The following OTUD4 variants were observed in gnomAD, a reference collection of about 807,000 sequenced individuals.
OTUD4 encodes the protein OTU domain-containing protein 4.
In OTUD4, 24 loss-of-function variants were observed where a neutral mutation model predicts 130.4. The ratio of observed to expected loss-of-function variants is 0.18; its 90% CI spans 0.13 to 0.26. The LOEUF (loss-of-function observed/expected upper bound fraction) is 0.26, where lower values mean the gene tolerates loss of function less well. Ranked by LOEUF, OTUD4 falls within the 10% of genes least tolerant of loss-of-function variation. The probability of loss-of-function intolerance (pLI) is 1.00; values close to 1 mark genes in which losing one functional copy is unlikely to be tolerated. For synonymous variants in OTUD4, 420 were observed against 472.5 expected (o/e 0.89, Z 1.44); for missense variants, 1,031 against 1,329.4 (o/e 0.78, Z 3.49).
chr4:145,137,784 A>T lies in OTUD4; in HGVS notation c.2991T>A (p.Asp997Glu). Reference sequence around the variant, plus strand: ...TGACCACATCAGCAGCAGTCTTAGGATCTTTTACTTTTTCTGTTTTTTCTT... The same window carrying T: ...TGACCACATCAGCAGCAGTCTTAGGTTCTTTTACTTTTTCTGTTTTTTCTT... The part of the protein sequence containing the change: ...SLKEKTEKVK[D>E]PKTAADVVSP... Residue 997 changes from aspartate (D) to glutamate (E), a missense_variant, in exon 21 of 21, where the codon GAT becomes GAA. This residue lies in a region of OTUD4 where 900 missense variants were observed against 1,095.9 expected (regional missense o/e 0.82). Coordinates refer to ENST00000447906, the MANE Select transcript of OTUD4 (RefSeq NM_001366057.1). 6.2e-7 allele frequency: 1 copy of T among 1,613,850 alleles called. No homozygotes were observed.
chr4:145,138,570 G>A lies in OTUD4; in HGVS notation c.2205C>T (p.Tyr735=). Residue 735 remains tyrosine, a synonymous_variant, in exon 21 of 21, where the codon TAC becomes TAT. Coordinates refer to ENST00000447906, the MANE Select transcript of OTUD4 (RefSeq NM_001366057.1). The stretch of plus-strand genomic sequence containing the variant: ...GATAAACAGGGACAGGGACCTTTGG[G>A]TACATCCTGCAGGCTGCCAGGTAGG... ...HQAYLAACRM[Y]PKVPVPVYPH... The A allele has an allele frequency of 6.2e-7, 1 of 1,614,086 alleles. No individual in the cohort carries two copies. The highest frequency in any genetic ancestry group is 8.5e-7 in the Non-Finnish European group (1 of 1,179,974).
At position 145,169,740 on chromosome 4, in the gene OTUD4, G is replaced by A. The variant is rs781587492; in HGVS notation, c.294+1930C>T. Among the ~76,000 whole-genome samples the A allele has an allele frequency of 6.4e-4, 98 of 152,108 alleles. 1 individual carries two copies. The highest frequency in any genetic ancestry group is 1.1e-3 in the Non-Finnish European group (77 of 68,012). Reference sequence around the variant, plus strand: ...TCCCGCCTCTGCCTCCTATAGTACCGGGATTACAGGCACGAGCCATTGTGC... The same window carrying A: ...TCCCGCCTCTGCCTCCTATAGTACCAGGATTACAGGCACGAGCCATTGTGC... On this transcript the variant is annotated intron_variant, in intron 3 of 20. Coordinates refer to ENST00000447906, the MANE Select transcript of OTUD4 (RefSeq NM_001366057.1).
chr4:145,156,160 G>A (rs1439054691), intron 7 of OTUD4, among the ~76,000 whole-genome samples, 164 bp from the exon 8 acceptor site: 1 of 152,128 alleles, frequency 6.6e-6, no homozygotes, highest in Non-Finnish European at 1.5e-5. Context: ...ATATAAAAGG[G>A]TATATGTATG....
At chr4:145,150,753 A>G (rs377726920) in intron 12 of OTUD4, 49 bp downstream of exon 12, 37 of 1,606,738 alleles carry the variant, frequency 2.3e-5, no homozygotes, top group Non-Finnish European at 3.0e-5. Flanking sequence ...AACAATCCCA[A>G]GTACCATCAT....
At position 145,155,879 on chromosome 4, in the gene OTUD4, T is replaced by A. The variant is rs556891307; in HGVS notation, c.690+57A>T. On this transcript the variant is annotated intron_variant, in intron 8 of 20. Transcript: ENST00000447906. ...AAAAAGAAAAAAATTAAGATTTTAA[T>A]GTACATGCTTTCTTATATTAAAGAA... 1.0e-4 allele frequency: 140 copies of A among 1,362,848 alleles called. No homozygotes were observed. In the African/African-American group the frequency reaches 1.8e-3, roughly 17 times the overall value. 84.4% of individuals were successfully genotyped at this position (1,362,848 alleles called of 1,614,324 possible). A position where few individuals can be genotyped will look rare whatever the true frequency, so the allele number is the denominator to read the frequency against.
chr4:145,140,076 G>A (rs1327722235), intron 19 of OTUD4, 85 bp from the exon 20 acceptor site: 2 of 461,998 alleles, frequency 4.3e-6, no homozygotes, highest in Non-Finnish European at 3.9e-6. Flanking sequence ...TAGTTCTAAA[G>A]ACAATTTTAC....
chr4:145,160,996 G>A (rs36225150), intron 6 of OTUD4, among the ~76,000 whole-genome samples: 1 of 151,950 alleles, frequency 6.6e-6, no homozygotes, highest in Non-Finnish European at 1.5e-5. Flanking sequence ...TGTAATCCAA[G>A]CTACTCGGGA....
chr4:145,168,932 T>G (rs751750691), intron 3 of OTUD4, among the ~76,000 whole-genome samples: 13 of 152,258 alleles, frequency 8.5e-5, no homozygotes, highest in Non-Finnish European at 1.6e-4. Context: ...ATACACAGGT[T>G]GTGATAGATA....
chr4:145,144,568 T>C lies in OTUD4; in HGVS notation c.1423-134A>G, dbSNP rs966067080. 12 of 775,034 alleles carry C rather than the reference T, an allele frequency of 1.5e-5. No individual in the cohort carries two copies. The Admixed American group carries it at 3.1e-4, about 20-fold the overall frequency. 48.0% of individuals were successfully genotyped at this position (775,034 alleles called of 1,614,324 possible). A position where few individuals can be genotyped will look rare whatever the true frequency, so the allele number is the denominator to read the frequency against. ...ACAGCCCTGTATTTTTAACTGAAAC[T>C]AAAGAAGATAGAATCTAGGGTCCAT... On this transcript the variant is annotated intron_variant, in intron 14 of 20. Transcript: ENST00000447906.
chr4:145,179,520 G>T, intron 1 of OTUD4: 1 of 890,898 alleles, frequency 1.1e-6, no homozygotes, highest in Non-Finnish European at 1.5e-6. Flanking sequence ...CAGGTCCCCA[G>T]CAATAAATCA....
chr4:145,153,235 A>C (rs982674715), intron 10 of OTUD4, among the ~76,000 whole-genome samples: 1 of 152,198 alleles, frequency 6.6e-6, no homozygotes, highest in Non-Finnish European at 1.5e-5. Flanking sequence ...AAAAAGTAGG[A>C]GCACAATATG....
chr4:145,143,566 T>G, intron 16 of OTUD4, 121 bp from the exon 17 acceptor site: 1 of 620,936 alleles, frequency 1.6e-6, no homozygotes, highest in East Asian at 2.8e-5. Flanking sequence ...CCACTGAGTA[T>G]TTTTTCCAAT....
chr4:145,138,686 G>A lies in OTUD4; in HGVS notation c.2125-36C>T, dbSNP rs1416084362. 14 of 1,550,590 alleles carry A rather than the reference G, an allele frequency of 9.0e-6. No homozygotes were observed. In the Admixed American group the frequency reaches 1.7e-4, roughly 18 times the overall value. On this transcript the variant is annotated intron_variant, in intron 20 of 20. Transcript: ENST00000447906. ...AAAAAACAGTTAAATAAACAAAAGA[G>A]GAGAAAAAAGAGAGGTTTGGGTGGA...
chr4:145,146,502 A>AC, intron 13 of OTUD4, 73 bp from the exon 14 acceptor site: 1 of 509,124 alleles, frequency 2.0e-6, no homozygotes, highest in Non-Finnish European at 2.8e-6. Flanking sequence ...CATTCTTGTC[A>AC]AAAAAAAAAA....
intron 6 of OTUD4, 140 bp from the exon 7 acceptor site, chr4:145,159,775 T>C (rs1257268133): frequency 1.3e-6 from 1 of 742,764 alleles, no homozygotes; most frequent in Admixed American, 3.4e-5. Context: ...TTATGGTCAA[T>C]AACATAATTT....
intron 3 of OTUD4, among the ~76,000 whole-genome samples, 199 bp downstream of exon 3, chr4:145,171,471 G>A (rs940144984): frequency 6.6e-6 from 1 of 152,068 alleles, no homozygotes; most frequent in South Asian, 2.1e-4. Flanking sequence ...TCACAACTCT[G>A]CCTTAGTGAG....
At chr4:145,142,071 A>C in intron 18 of OTUD4, 125 bp downstream of exon 18, 2 of 792,064 alleles carry the variant, frequency 2.5e-6, no homozygotes, top group Non-Finnish European at 4.2e-6. Context: ...GCAGAGTATC[A>C]CAGAAAGCTC....
rs1579302041 is a variant in OTUD4 at position 145,180,538 on chromosome 4, C to T, written c.-565G>A. 6.6e-6 allele frequency among the ~76,000 whole-genome samples: 1 copy of T among 152,350 alleles called. No homozygotes were observed. Among genetic ancestry groups the T allele is most frequent in the African/African-American group, 2.4e-5 (1 of 41,592 alleles). The stretch of plus-strand genomic sequence containing the variant: ...GGGGGCGCCCGGGAGAGAACAGCAC[C>T]TCGCAGCCCAGAATTTGTTTTCGCT... On this transcript the variant is annotated 5_prime_UTR_variant, in exon 1 of 21. Transcript: ENST00000447906.
Position 145,144,400 on chromosome 4 carries a change from C to A in OTUD4, c.1457G>T (p.Ser486Ile). 1 of 1,612,132 alleles carries A rather than the reference C, an allele frequency of 6.2e-7. No individual in the cohort carries two copies. The highest frequency in any genetic ancestry group is 8.5e-7 in the Non-Finnish European group (1 of 1,178,906). ...TGATTTTCTCTGGACACATGGATTG[C>A]TACTCTGAGAAGCTGACTGATTGAC... ...SSVNQSASQS[S>I]NPCVQRKSSH... Residue 486 changes from serine (S) to isoleucine (I), a missense_variant, in exon 15 of 21, where the codon AGC (serine) becomes ATC (isoleucine). This residue lies in a region of OTUD4 where 900 missense variants were observed against 1,095.9 expected (regional missense o/e 0.82). Coordinates refer to ENST00000447906, the MANE Select transcript of OTUD4 (RefSeq NM_001366057.1).
Sources: gnomAD v4.1 joint callset for allele counts (sites outside exome capture counted in the v4.1 genomes callset) on GRCh38, gnomAD v4.1.1 for gene constraint, gnomAD v4.1.1 regional missense constraint, MANE v1.5 for transcripts, NCBI Gene and HGNC (gene_info 2026-07-23, HGNC 2026-07-21) for gene names.